The following CSPP1 variants were observed in gnomAD, a reference collection of about 807,000 sequenced individuals.
CSPP1 encodes the protein centrosome and spindle pole-associated protein 1.
CSPP1 carries 126 observed loss-of-function variants against 164.4 expected under a neutral mutation model. The ratio of observed to expected loss-of-function variants is 0.77; its 90% CI spans 0.66 to 0.89. CSPP1 has a LOEUF of 0.89. Among genes scored for constraint, CSPP1 ranks in the 40% least tolerant of loss-of-function variants. CSPP1 has a pLI of 0.00. For missense variants in CSPP1, 1,395 were observed against 1,449.8 expected (o/e 0.96, Z 0.61); for synonymous variants, 472 against 476.7 (o/e 0.99, Z 0.13).
At chr8:67,085,285 T>C (rs1298668245) in intron 3 of CSPP1, among the ~76,000 whole-genome samples, 5 of 151,946 alleles carry the variant, frequency 3.3e-5, no homozygotes, top group African/African-American at 7.3e-5. Context: ...AAAATTAATA[T>C]CCATTTTTAT....
intron 16 of CSPP1, among the ~76,000 whole-genome samples, chr8:67,136,398 G>A (rs1563649955): frequency 6.6e-6 from 1 of 151,642 alleles, no homozygotes; most frequent in East Asian, 1.9e-4. Flanking sequence ...GTGAAACCCC[G>A]TCTCTACTAA....
chr8:67,194,441 A>G (rs1837310310), intron 30 of CSPP1, among the ~76,000 whole-genome samples: 1 of 152,222 alleles, frequency 6.6e-6, no homozygotes, highest in Admixed American at 6.5e-5. Flanking sequence ...AACACAAAGC[A>G]GACATGGTTA....
chr8:67,075,327 G>T (rs185117900), intron 2 of CSPP1, among the ~76,000 whole-genome samples: 1 of 151,728 alleles, frequency 6.6e-6, no homozygotes, highest in Admixed American at 6.6e-5. Flanking sequence ...CATATATATT[G>T]GTTTGTTCAA....
intron 22 of CSPP1, 101 bp downstream of exon 22, chr8:67,162,016 T>A (rs1828453835): frequency 1.3e-6 from 1 of 756,232 alleles, no homozygotes; most frequent in Non-Finnish European, 2.2e-6. Context: ...AGGTTAAATT[T>A]TTTCAGATCT....
intron 13 of CSPP1, among the ~76,000 whole-genome samples, chr8:67,117,635 C>T (rs1187031671): frequency 1.3e-5 from 2 of 152,158 alleles, no homozygotes; most frequent in Admixed American, 6.5e-5. Context: ...GAAATACACT[C>T]GTTTCCTCAG....
intron 1 of CSPP1, among the ~76,000 whole-genome samples, chr8:67,068,468 A>T (rs1036347406): frequency 6.6e-6 from 1 of 152,254 alleles, no homozygotes; most frequent in Non-Finnish European, 1.5e-5. Context: ...GTAGAGTGTC[A>T]TATATAAATA....
intron 28 of CSPP1, among the ~76,000 whole-genome samples, chr8:67,181,907 A>AGTC (rs1833150997): frequency 6.6e-6 from 1 of 152,236 alleles, no homozygotes; most frequent in Non-Finnish European, 1.5e-5. Context: ...GACCTCATGT[A>AGTC]AGTGGAATCA....
At chr8:67,187,192 GTTA>G (rs1428510151) in intron 28 of CSPP1, among the ~76,000 whole-genome samples, 1 of 152,138 alleles carries the variant, frequency 6.6e-6, no homozygotes, top group Non-Finnish European at 1.5e-5. Flanking sequence ...ATCCCAGCAA[GTTA>G]TTATGTGGAT....
chr8:67,152,086 CAAAAAAAAAA>C (rs1185447488), intron 18 of CSPP1, among the ~76,000 whole-genome samples: 1 of 58,144 alleles, frequency 1.7e-5, no homozygotes. Context: ...GACTCCATCT[CAAAAAAAAAA>C]AAAAAAAAAA....
chr8:67,135,859 G>C lies in CSPP1; in HGVS notation c.1828-1597G>C, dbSNP rs996981056. Reference sequence around the variant, plus strand: ...CTAAGCATAGTCATTTCTAGCTTTTGATTTAAAGTGAGAGATGTGACTCTT... The same window carrying C: ...CTAAGCATAGTCATTTCTAGCTTTTCATTTAAAGTGAGAGATGTGACTCTT... On this transcript the variant is annotated intron_variant, in intron 16 of 30. Transcript: ENST00000678616. 3.9e-5 allele frequency: 6 copies of C among 152,210 alleles called. No individual in the cohort carries two copies. In the East Asian group the frequency reaches 9.7e-4, roughly 25 times the overall value. 9.4% of individuals were successfully genotyped at this position (152,210 alleles called of 1,614,324 possible).
intron 2 of CSPP1, among the ~76,000 whole-genome samples, chr8:67,076,164 T>C (rs1002514821): frequency 6.6e-6 from 1 of 151,976 alleles, no homozygotes; most frequent in African/African-American, 2.4e-5. Context: ...TCATTATGTG[T>C]CCCCCCAATA....
intron 27 of CSPP1, among the ~76,000 whole-genome samples, chr8:67,179,247 AT>A (rs1188903674): frequency 2.0e-5 from 3 of 151,474 alleles, no homozygotes; most frequent in African/African-American, 4.9e-5. Context: ...CAATCTTAGC[AT>A]TTTTTTTCGT....
chr8:67,143,603 C>T (rs1343269439), intron 17 of CSPP1, among the ~76,000 whole-genome samples: 1 of 152,020 alleles, frequency 6.6e-6, no homozygotes. Flanking sequence ...TAATTTCTCT[C>T]AGCAATATTT....
intron 6 of CSPP1, 112 bp downstream of exon 6, chr8:67,093,753 C>G (rs571494905): frequency 1.8e-6 from 1 of 560,566 alleles, no homozygotes; most frequent in African/African-American, 1.9e-5. Context: ...TAAATACTTG[C>G]AAAATTAAGC....
At position 67,074,339 on chromosome 8, in the gene CSPP1, C is replaced by T. The variant is rs770537910; in HGVS notation, c.87C>T (p.Tyr29=). Residue 29 remains tyrosine, a synonymous_variant, in exon 2 of 31, where the codon TAC becomes TAT. Coordinates refer to ENST00000678616, the MANE Select transcript of CSPP1 (RefSeq NM_001382391.1). ...DKAELESDPP[Y]MEMKGKLSAK... is the part of the protein sequence containing the mutation. ...CAGAGTTGGAAAGTGATCCACCTTA[C>T]ATGGAAATGAAGGTAAATTTAATAA... 5 of 1,587,828 alleles carry T rather than the reference C, an allele frequency of 3.1e-6. No homozygotes were observed. Among genetic ancestry groups the T allele is most frequent in the Non-Finnish European group, 3.4e-6 (4 of 1,161,746 alleles).
Position 67,091,826 on chromosome 8 carries a change from A to G in CSPP1, c.327A>G (p.Glu109=). The G allele has an allele frequency of 7.4e-7, 1 of 1,345,658 alleles. No individual in the cohort carries two copies. Among genetic ancestry groups the G allele is most frequent in the Non-Finnish European group, 9.9e-7 (1 of 1,009,356 alleles). The allele number at this position is 1,345,658 out of a possible 1,614,324, so 83.4% of individuals were successfully genotyped here. Residue 109 remains glutamate (E), a synonymous_variant, in exon 5 of 31, where the codon GAA becomes GAG. Coordinates refer to ENST00000678616, the MANE Select transcript of CSPP1 (RefSeq NM_001382391.1). ...LTQKNFLSTS[E]TDPSTLGVSL... ...AGAAAAATTTTCTATCTACGAGTGAAACAGATCCATCTACTTTGGGAGTTT... is the reference window on the plus strand; with the variant it reads ...AGAAAAATTTTCTATCTACGAGTGAGACAGATCCATCTACTTTGGGAGTTT...
At chr8:67,091,391 G>C (rs1008255292) in intron 4 of CSPP1, among the ~76,000 whole-genome samples, 1 of 151,916 alleles carries the variant, frequency 6.6e-6, no homozygotes, top group African/African-American at 2.4e-5. Context: ...AGGAAAAATA[G>C]AAAAAAAACT....
intron 22 of CSPP1, 114 bp from the exon 23 acceptor site, chr8:67,163,618 G>T: frequency 1.5e-6 from 1 of 681,330 alleles, no homozygotes; most frequent in East Asian, 2.7e-5. Context: ...TTTGGAGGTA[G>T]GATAGTGTGG....
At chr8:67,071,085 G>C (rs1164459735) in intron 1 of CSPP1, among the ~76,000 whole-genome samples, 1 of 151,984 alleles carries the variant, frequency 6.6e-6, no homozygotes, top group Non-Finnish European at 1.5e-5. Flanking sequence ...TGTTTCTTTT[G>C]GCATTACATA....
Sources: allele counts gnomAD v4.1 joint callset (sites outside exome capture counted in the v4.1 genomes callset), GRCh38; gene constraint gnomAD v4.1.1; transcripts MANE v1.5; gene names NCBI Gene and HGNC (gene_info 2026-07-23, HGNC 2026-07-21).